EYS: variants seen among roughly 807,000 people sequenced by gnomAD.
EYS encodes the protein protein eyes shut homolog.
In EYS, 250 loss-of-function variants were observed where a neutral mutation model predicts 282.1. The ratio of observed to expected loss-of-function variants is 0.89; its 90% CI spans 0.80 to 0.98. EYS has a LOEUF of 0.98. Ranked by LOEUF, EYS falls within the 50% of genes least tolerant of loss-of-function variation. EYS has a pLI of 0.00. For missense variants in EYS, 4,016 were observed against 3,709.0 expected, an observed-to-expected ratio of 1.08 and a Z score of -2.15; for synonymous variants, 1,355 against 1,282.9, an observed-to-expected ratio of 1.06 and a Z score of -1.20.
Position 64,591,912 on chromosome 6 carries a change from A to G in EYS, c.3955T>C (p.Leu1319=). The G allele has an allele frequency of 6.5e-7, 1 of 1,547,678 alleles. No homozygotes were observed. The change falls in exon 26 of 43, where the codon TTG becomes CTG. Residue 1319 remains leucine (L), a synonymous_variant. Transcript: ENST00000503581. ...AGTTCTTGGAGTAAGTAGCTTTCCA[A>G]GGGTGTGCTAATTCTTAATGTTGCC... The part of the protein sequence containing the change: ...GLATLRISTP[L]ESYLLQELIV...
intron 1 of EYS, among the ~76,000 whole-genome samples, chr6:65,641,679 T>G (rs9363408): frequency 0.071 from 10,793 of 152,320 alleles, 634 homozygotes; most frequent in East Asian, 0.3. Context: ...GAACACTAAC[T>G]TCACATCCTT....
At chr6:64,706,749 A>C (rs1396951024) in intron 22 of EYS, among the ~76,000 whole-genome samples, 3 of 152,206 alleles carry the variant, frequency 2.0e-5, no homozygotes, top group Non-Finnish European at 4.4e-5. Context: ...AATGCAAATC[A>C]AAACCACAAT....
At chr6:63,970,159 C>G (rs911500619) in intron 35 of EYS, among the ~76,000 whole-genome samples, 1 of 152,184 alleles carries the variant, frequency 6.6e-6, no homozygotes. Flanking sequence ...GGCCCTGACA[C>G]CTGCAGAATT....
intron 26 of EYS, among the ~76,000 whole-genome samples, chr6:64,562,614 C>T (rs1283925928): frequency 1.3e-5 from 2 of 151,656 alleles, no homozygotes; most frequent in Non-Finnish European, 3.0e-5. Context: ...TTTTCCTCTG[C>T]CCCTAATTTA....
At chr6:65,443,287 C>A (rs997439222) in intron 5 of EYS, among the ~76,000 whole-genome samples, 23 of 147,584 alleles carry the variant, frequency 1.6e-4, no homozygotes, top group African/African-American at 5.6e-4. Flanking sequence ...TGTATGCATG[C>A]ATATATGCAT....
At chr6:65,216,021 C>T (rs147397885) in intron 12 of EYS, among the ~76,000 whole-genome samples, 1 of 146,692 alleles carries the variant, frequency 6.8e-6, no homozygotes, top group East Asian at 1.9e-4. Context: ...TAGAACCAAA[C>T]CTGTAATTTC....
chr6:65,484,635 C>T (rs1446070767), intron 5 of EYS, among the ~76,000 whole-genome samples: 1 of 152,136 alleles, frequency 6.6e-6, no homozygotes, highest in Non-Finnish European at 1.5e-5. Context: ...ACTCTTCCAG[C>T]ACAATGTTTC....
At chr6:65,154,116 A>T (rs375044210) in intron 12 of EYS, among the ~76,000 whole-genome samples, 1 of 151,788 alleles carries the variant, frequency 6.6e-6, no homozygotes, top group Non-Finnish European at 1.5e-5. Flanking sequence ...AAGAGGGCTC[A>T]AGTCTTTTGA....
At position 65,469,496 on chromosome 6, in the gene EYS, G is replaced by A. The variant is rs573595539; in HGVS notation, c.862+21098C>T. Among the ~76,000 whole-genome samples, 103 of 152,072 alleles carry A rather than the reference G, an allele frequency of 6.8e-4. 1 individual carries two copies. In the Middle Eastern group the frequency reaches 0.01, roughly 15 times the overall value. ...TTCTTTTATCAAATATTTTAGGTCA[G>A]TGAATCTAAAAATAGGATCAAAACT... On this transcript the variant is annotated intron_variant, in intron 5 of 42. Coordinates refer to ENST00000503581, the MANE Select transcript of EYS (RefSeq NM_001142800.2).
rs1772489658 is a variant in EYS at position 63,859,794 on chromosome 6, A to G, written c.7228+4392T>C. 2.6e-5 allele frequency among the ~76,000 whole-genome samples: 4 copies of G among 152,312 alleles called. No homozygotes were observed. The South Asian group carries it at 8.3e-4, about 32-fold the overall frequency. On this transcript the variant is annotated intron_variant, in intron 36 of 42. Transcript: ENST00000503581. ...GTGTTTGTTTGTCTCGGCTCCGGCCATCACTGCCACGATTACCCCTGGATG... is the reference window on the plus strand; with the variant it reads ...GTGTTTGTTTGTCTCGGCTCCGGCCGTCACTGCCACGATTACCCCTGGATG...
At chr6:64,991,772 A>G (rs1771073945) in intron 14 of EYS, among the ~76,000 whole-genome samples, 2 of 151,744 alleles carry the variant, frequency 1.3e-5, no homozygotes, top group South Asian at 4.1e-4. Context: ...TACTTAATGA[A>G]GGAAAGATGC....
At chr6:64,396,226 G>A (rs1773371567) in intron 28 of EYS, among the ~76,000 whole-genome samples, 1 of 152,120 alleles carries the variant, frequency 6.6e-6, no homozygotes, top group Non-Finnish European at 1.5e-5. Flanking sequence ...TTGGTATACT[G>A]TGAAATTTTA....
chr6:63,825,173 G>A (rs549269591), intron 36 of EYS, among the ~76,000 whole-genome samples: 6 of 152,088 alleles, frequency 3.9e-5, no homozygotes, highest in East Asian at 1.9e-4. Flanking sequence ...GGCAGAGGCA[G>A]CCACAATCCT....
chr6:65,467,214 C>A (rs1482091776), intron 5 of EYS, among the ~76,000 whole-genome samples: 2 of 151,972 alleles, frequency 1.3e-5, no homozygotes, highest in African/African-American at 4.8e-5. Context: ...AATGTAGGGG[C>A]CAATATACAG....
intron 21 of EYS, among the ~76,000 whole-genome samples, chr6:64,818,557 T>C (rs1308230912): frequency 6.6e-6 from 1 of 152,118 alleles, no homozygotes; most frequent in Non-Finnish European, 1.5e-5. Context: ...AAGCCGACAG[T>C]GCAGCCTTCC....
At chr6:65,118,285 G>A (rs533170231) in intron 12 of EYS, among the ~76,000 whole-genome samples, 43 of 152,258 alleles carry the variant, frequency 2.8e-4, no homozygotes, top group Middle Eastern at 6.8e-3. Context: ...TGTGACAGAT[G>A]CTGGTAGTCA....
intron 5 of EYS, among the ~76,000 whole-genome samples, chr6:65,477,415 C>T (rs1314789978): frequency 2.6e-5 from 4 of 152,154 alleles, no homozygotes; most frequent in South Asian, 2.1e-4. Flanking sequence ...TTACACTTTA[C>T]CAGCAGAAAT....
chr6:63,887,314 G>GTTTTTTTTT (rs35622877), intron 35 of EYS, among the ~76,000 whole-genome samples: 11 of 120,234 alleles, frequency 9.1e-5, no homozygotes, highest in Non-Finnish European at 1.3e-4. Context: ...AATAAAAGGT[G>GTTTTTTTTT]TTTTTTTTTT....
At chr6:63,848,175 T>C (rs1772148403) in intron 36 of EYS, among the ~76,000 whole-genome samples, 1 of 152,094 alleles carries the variant, frequency 6.6e-6, no homozygotes, top group Non-Finnish European at 1.5e-5. Flanking sequence ...GTTTAATCCT[T>C]GACTTTTTAC....
Sources: allele counts gnomAD v4.1 joint callset (sites outside exome capture counted in the v4.1 genomes callset), GRCh38; gene constraint gnomAD v4.1.1; transcripts MANE v1.5; gene names NCBI Gene and HGNC (gene_info 2026-07-23, HGNC 2026-07-21).